Variants in KCMF1 observed in about 807,000 individuals in gnomAD.
KCMF1 encodes E3 ubiquitin-protein ligase KCMF1.
KCMF1 carries 3 observed loss-of-function variants against 41.1 expected under a neutral mutation model. The ratio of observed to expected loss-of-function variants is 0.07; its 90% CI spans 0.03 to 0.19. The LOEUF (loss-of-function observed/expected upper bound fraction) is 0.19, where lower values mean the gene tolerates loss of function less well. Among genes scored for constraint, KCMF1 ranks in the 10% least tolerant of loss-of-function variants. The pLI, the probability that KCMF1 is intolerant of heterozygous loss-of-function variation, is 1.00. For synonymous variants in KCMF1, 142 were observed against 164.5 expected, an observed-to-expected ratio of 0.86 and a Z score of 1.04; for missense variants, 286 against 488.9, an observed-to-expected ratio of 0.58 and a Z score of 3.91.
At chr2:85,040,465 C>T (rs1434563443) in intron 3 of KCMF1, among the ~76,000 whole-genome samples, 1 of 152,156 alleles carries the variant, frequency 6.6e-6, no homozygotes, top group Non-Finnish European at 1.5e-5. Flanking sequence ...TCCCACTCCC[C>T]ACCACCTCTT....
At chr2:84,976,054 G>A (rs895191392) in intron 1 of KCMF1, among the ~76,000 whole-genome samples, 14 of 152,220 alleles carry the variant, frequency 9.2e-5, no homozygotes, top group Middle Eastern at 3.4e-3. Flanking sequence ...CATTTTTTAC[G>A]TAGCTTCCAC....
chr2:84,991,069 G>A (rs1180994567), intron 1 of KCMF1, among the ~76,000 whole-genome samples: 1 of 152,186 alleles, frequency 6.6e-6, no homozygotes, highest in African/African-American at 2.4e-5. Flanking sequence ...AGATGAAGGT[G>A]CCTTGAGCTA....
intron 1 of KCMF1, among the ~76,000 whole-genome samples, chr2:84,975,991 G>A (rs1269006473): frequency 6.6e-6 from 1 of 152,138 alleles, no homozygotes; most frequent in Admixed American, 6.5e-5. Context: ...CAAGGAATGT[G>A]GGGCTAAGTG....
At chr2:85,017,012 C>CTTTTTTTTT (rs768880385) in intron 1 of KCMF1, among the ~76,000 whole-genome samples, 1 of 99,526 alleles carries the variant, frequency 1.0e-5, no homozygotes, top group Non-Finnish European at 1.9e-5. Flanking sequence ...AGATCCTCTT[C>CTTTTTTTTT]TTTTTTTTTT....
chr2:84,982,901 C>A (rs1574005038), intron 1 of KCMF1, among the ~76,000 whole-genome samples: 1 of 152,252 alleles, frequency 6.6e-6, no homozygotes, highest in African/African-American at 2.4e-5. Flanking sequence ...ACATAGTGGT[C>A]ACAGAGGTGG....
In KCMF1 at chr2:84,971,431, G is replaced by A. The variant is rs1673389517; in HGVS notation, c.-21G>A. 1 of 1,245,340 alleles carries A rather than the reference G, an allele frequency of 8.0e-7. No homozygotes were observed. Among genetic ancestry groups the A allele is most frequent in the Non-Finnish European group, 1.0e-6 (1 of 974,404 alleles). The allele number at this position is 1,245,340 out of a possible 1,614,324, so 77.1% of individuals were successfully genotyped here. A position where few individuals can be genotyped will look rare whatever the true frequency, so the allele number is the denominator to read the frequency against. On this transcript the variant is annotated 5_prime_UTR_variant, in exon 1 of 7. Transcript: ENST00000409785. ...GCAGCCGGAGCCCGGGAGGGGCCGC[G>A]CCGCCACCGTCTGAACTAGGATGTC...
intron 1 of KCMF1, among the ~76,000 whole-genome samples, chr2:85,015,255 C>T (rs1369486403): frequency 6.6e-6 from 1 of 150,416 alleles, no homozygotes; most frequent in Non-Finnish European, 1.5e-5. Flanking sequence ...TCTAGGAAAA[C>T]GTCCCCTTCT....
In KCMF1 at chr2:84,980,893, G is replaced by A. The variant is rs751634153; in HGVS notation, c.16+9426G>A. 4.6e-5 allele frequency among the ~76,000 whole-genome samples: 7 copies of A among 151,876 alleles called. 1 individual carries two copies. The highest frequency in any genetic ancestry group is 3.9e-4 in the Admixed American group (6 of 15,234). Reference sequence around the variant, plus strand: ...TGGGCTCAAGCAATCCTCTTGCCTCGGCCTCACAATGTGCTGGGATTATAG... The same window carrying A: ...TGGGCTCAAGCAATCCTCTTGCCTCAGCCTCACAATGTGCTGGGATTATAG... On this transcript the variant is annotated intron_variant, in intron 1 of 6. Coordinates refer to ENST00000409785, the MANE Select transcript of KCMF1 (RefSeq NM_020122.5).
intron 1 of KCMF1, among the ~76,000 whole-genome samples, chr2:84,989,535 G>T (rs1382782932): frequency 1.3e-5 from 2 of 152,190 alleles, no homozygotes; most frequent in Admixed American, 6.6e-5. Context: ...GGATGGATCT[G>T]CAGGGAGGAA....
intron 1 of KCMF1, among the ~76,000 whole-genome samples, chr2:84,979,906 T>C (rs865923968): frequency 1.3e-4 from 19 of 151,922 alleles, no homozygotes; most frequent in African/African-American, 4.4e-4. Flanking sequence ...CACCGCAACC[T>C]CTGCCTCCCG....
intron 1 of KCMF1, among the ~76,000 whole-genome samples, chr2:85,017,363 A>G (rs943001272): frequency 4.6e-5 from 7 of 151,952 alleles, no homozygotes; most frequent in Non-Finnish European, 7.4e-5. Flanking sequence ...CAATTTTTCA[A>G]CTGCTTAAAT....
In KCMF1 at chr2:85,053,243, C is replaced by G. The variant is rs2104071214; in HGVS notation, c.980C>G (p.Thr327Ser). Residue 327 changes from threonine to serine, a missense_variant, in exon 7 of 7, where the codon ACT becomes AGT. Coordinates refer to ENST00000409785, the MANE Select transcript of KCMF1 (RefSeq NM_020122.5). ...SLFVQELLLSTLVREESSSSD... is the reference protein window; with the variant it reads ...SLFVQELLLSSLVREESSSSD... The stretch of plus-strand genomic sequence containing the variant: ...TTTGTCCAAGAGCTCCTTCTGTCCA[C>G]TTTAGTGCGTGAAGAGAGCTCATCC... The G allele has an allele frequency of 1.2e-6, 2 of 1,614,022 alleles. No individual in the cohort carries two copies. Among genetic ancestry groups the G allele is most frequent in the Non-Finnish European group, 1.7e-6 (2 of 1,179,892 alleles).
chr2:84,992,988 A>G (rs1447937008), intron 1 of KCMF1, among the ~76,000 whole-genome samples: 7 of 152,096 alleles, frequency 4.6e-5, no homozygotes, highest in African/African-American at 1.4e-4. Flanking sequence ...GAGCCCAGGT[A>G]TTCGAGACTA....
rs1675971309 is a variant in KCMF1, at chr2:85,057,871, T to C, written c.*4462T>C. 6.6e-6 allele frequency: 1 copy of C among 152,242 alleles called. No individual in the cohort carries two copies. The highest frequency in any genetic ancestry group is 2.4e-5 in the African/African-American group (1 of 41,458). 9.4% of individuals were successfully genotyped at this position (152,242 alleles called of 1,614,324 possible). A position where few individuals can be genotyped will look rare whatever the true frequency, so the allele number is the denominator to read the frequency against. ...GATCCTGAACCTCCACGTCACATTT[T>C]AGTCGGTTGCTATTAGGTGGGTAAT... On this transcript the variant is annotated 3_prime_UTR_variant, in exon 7 of 7. Coordinates refer to ENST00000409785, the MANE Select transcript of KCMF1 (RefSeq NM_020122.5).
chr2:85,008,381 T>TATTATATATCATATGA (rs369479422), intron 1 of KCMF1, among the ~76,000 whole-genome samples: 516 of 18,654 alleles, frequency 0.028, 41 homozygotes, highest in African/African-American at 0.054. Context: ...ATATGATATA[T>TATTATATATCATATGA]TATATATGAT....
At chr2:84,994,964 C>T (rs1240673819) in intron 1 of KCMF1, among the ~76,000 whole-genome samples, 3 of 151,974 alleles carry the variant, frequency 2.0e-5, no homozygotes, top group East Asian at 1.9e-4. Flanking sequence ...TTCTTTTCAT[C>T]GCCTGTATTT....
intron 5 of KCMF1, 125 bp downstream of exon 5, chr2:85,046,403 G>A: frequency 3.0e-6 from 2 of 666,144 alleles, no homozygotes; most frequent in Non-Finnish European, 5.0e-6. Context: ...GCTGGAGCGG[G>A]TGGATCACTT....
intron 5 of KCMF1, among the ~76,000 whole-genome samples, chr2:85,047,140 T>A (rs548469505): frequency 1.3e-5 from 2 of 152,266 alleles, no homozygotes; most frequent in African/African-American, 4.8e-5. Flanking sequence ...GAGACTACTG[T>A]TCTTAGAGAC....
chr2:85,018,794 G>GTT (rs1405322317), intron 1 of KCMF1, among the ~76,000 whole-genome samples: 9 of 108,822 alleles, frequency 8.3e-5, no homozygotes, highest in African/African-American at 3.0e-4. Flanking sequence ...TCAGAACTTT[G>GTT]ATTTTTTTTT....
Sources: allele counts gnomAD v4.1 joint callset (sites outside exome capture counted in the v4.1 genomes callset), GRCh38; gene constraint gnomAD v4.1.1; transcripts MANE v1.5; gene names NCBI Gene and HGNC (gene_info 2026-07-23, HGNC 2026-07-21).